The following CLDN14 variants were observed in gnomAD, a reference collection of about 807,000 sequenced individuals.
CLDN14 encodes claudin-14.
A neutral mutation model predicts 2.1 loss-of-function variants in CLDN14; 2 were observed. That is an observed-to-expected ratio of 0.96 (90% CI 0.39 to 3.01). The LOEUF is 3.01. CLDN14 is among the 30% of genes most tolerant of loss of function. The pLI, the probability that CLDN14 is intolerant of heterozygous loss-of-function variation, is 0.09. For synonymous variants in CLDN14, 136 were observed against 154.4 expected, an observed-to-expected ratio of 0.88 and a Z score of 0.88; for missense variants, 298 against 328.0, an observed-to-expected ratio of 0.91 and a Z score of 0.71.
At chr21:36,491,221 C>CTGA in intron 2 of CLDN14, among the ~76,000 whole-genome samples, 1 of 152,138 alleles carries the variant, frequency 6.6e-6, no homozygotes, top group Non-Finnish European at 1.5e-5. Context: ...CTAGGATCCC[C>CTGA]AGATATCCTG....
Position 36,499,045 on chromosome 21 carries a change from G to A in CLDN14, c.-82+11318C>T, listed in dbSNP as rs780392705. Among the ~76,000 whole-genome samples the A allele has an allele frequency of 7.2e-5, 11 of 152,186 alleles. No homozygotes were observed. Among genetic ancestry groups the A allele is most frequent in the South Asian group, 2.1e-4 (1 of 4,822 alleles). ...AGTTTCAGGGCACATGACAATCACC[G>A]ATATGACAGAAGGGTAACCTTTCTG... On this transcript the variant is annotated intron_variant, in intron 2 of 2. Transcript: ENST00000342108. This position sits in a 1 kb window ranked among gnomAD's most constrained non-coding sequence, Gnocchi z 4.7.
upstream of CLDN14, among the ~76,000 whole-genome samples, chr21:36,484,789 C>T (rs2146454217): frequency 6.6e-6 from 1 of 152,250 alleles, no homozygotes; most frequent in South Asian, 2.1e-4. Flanking sequence ...TCTTGGCTCA[C>T]CGCAACCTCC....
At chr21:36,557,701 A>C (rs449940) in intron 1 of CLDN14, among the ~76,000 whole-genome samples, 4 of 152,152 alleles carry the variant, frequency 2.6e-5, no homozygotes, top group Admixed American at 1.3e-4. Flanking sequence ...CATCAGATAC[A>C]TTATTTGCAA....
Position 36,505,790 on chromosome 21 carries a change from G to A in CLDN14, c.-82+4573C>T, listed in dbSNP as rs76518530. On this transcript the variant is annotated intron_variant, in intron 2 of 2. Coordinates refer to the CLDN14 transcript ENST00000342108. ...AGAGAAACACACAGAGAGGTCCATTGTTAACCCCTTCCTGGTTTGATCCAC... is the reference window on the plus strand; with the variant it reads ...AGAGAAACACACAGAGAGGTCCATTATTAACCCCTTCCTGGTTTGATCCAC... Among the ~76,000 whole-genome samples the A allele has an allele frequency of 8.1e-3, 1,227 of 152,314 alleles. 16 individuals are homozygous for A. Among genetic ancestry groups the A allele is most frequent in the African/African-American group, 0.028 (1,151 of 41,562 alleles).
At chr21:36,515,621 C>T (rs1315127981) in intron 1 of CLDN14, among the ~76,000 whole-genome samples, 4 of 145,012 alleles carry the variant, frequency 2.8e-5, no homozygotes, top group Non-Finnish European at 4.5e-5. Context: ...TGTAGTGAGC[C>T]GAGATCACAC....
intron 2 of CLDN14, among the ~76,000 whole-genome samples, chr21:36,506,594 C>T (rs1377427363): frequency 7.5e-6 from 1 of 133,304 alleles, no homozygotes; most frequent in Non-Finnish European, 1.5e-5. Flanking sequence ...AAGACTCTGT[C>T]TCAAAAAAAA....
In CLDN14 at chr21:36,512,962, T is replaced by C. The variant is rs373921605; in HGVS notation, c.-219-2462A>G. 6.6e-5 allele frequency among the ~76,000 whole-genome samples: 10 copies of C among 152,362 alleles called. No homozygotes were observed. In the East Asian group the frequency reaches 1.9e-3, roughly 29 times the overall value. ...AGCAACAAAGCAAGTACATGATTGA[T>C]GCCAAGGGGTAACCCTAAAGGTAAA... On this transcript the variant is annotated intron_variant, in intron 1 of 2. Coordinates refer to the CLDN14 transcript ENST00000342108.
At chr21:36,537,128 T>A (rs2087430135) in intron 1 of CLDN14, among the ~76,000 whole-genome samples, 1 of 152,168 alleles carries the variant, frequency 6.6e-6, no homozygotes, top group African/African-American at 2.4e-5. Flanking sequence ...AGGTGGAGGT[T>A]GCAGTGAGCC....
chr21:36,481,278 GA>G (rs2086842672), upstream of CLDN14, among the ~76,000 whole-genome samples: 1 of 152,154 alleles, frequency 6.6e-6, no homozygotes, highest in South Asian at 2.1e-4. Flanking sequence ...AGGCTGAAAT[GA>G]AACTGTTAAA....
At chr21:36,572,398 G>GTCCAGGAT (rs1452701173) in intron 1 of CLDN14, among the ~76,000 whole-genome samples, 1 of 151,874 alleles carries the variant, frequency 6.6e-6, no homozygotes, top group Non-Finnish European at 1.5e-5. Flanking sequence ...CCTCTGCGGA[G>GTCCAGGAT]TCCAGGTGTG....
In CLDN14 at chr21:36,550,134, C is replaced by A. The variant is rs141725877; in HGVS notation, c.-220+26277G>T. ...ATGGTGACTACCCTGTATTCAGATT[C>A]TTTTCAAGATATTGTCTTTCTAAAT... On this transcript the variant is annotated intron_variant, in intron 1 of 2. Coordinates refer to the CLDN14 transcript ENST00000342108. Among the ~76,000 whole-genome samples, 3 of 152,242 alleles carry A rather than the reference C, an allele frequency of 2.0e-5. 1 individual carries two copies. The East Asian group carries it at 5.8e-4, about 29-fold the overall frequency.
At chr21:36,536,353 G>C (rs1246640332) in intron 1 of CLDN14, among the ~76,000 whole-genome samples, 1 of 152,180 alleles carries the variant, frequency 6.6e-6, no homozygotes, top group African/African-American at 2.4e-5. Context: ...CAGAAATCAA[G>C]TTACCTCGAC....
chr21:36,529,869 C>A (rs1046714609), intron 1 of CLDN14, among the ~76,000 whole-genome samples: 1 of 152,188 alleles, frequency 6.6e-6, no homozygotes. Context: ...TTATGCAGAA[C>A]AACGTAGTGC....
In CLDN14 at chr21:36,498,970, T is replaced by C. The variant is rs1200685418; in HGVS notation, c.-82+11393A>G. Reference sequence around the variant, plus strand: ...TTCAGCCACCCAGATGGGAGTGTCCTCTTGCACTCCATCCATCTGGATGAA... The same window carrying C: ...TTCAGCCACCCAGATGGGAGTGTCCCCTTGCACTCCATCCATCTGGATGAA... On this transcript the variant is annotated intron_variant, in intron 2 of 2. Coordinates refer to the CLDN14 transcript ENST00000342108. This position sits in a 1 kb window ranked among gnomAD's most constrained non-coding sequence, Gnocchi z 4.9. Among the ~76,000 whole-genome samples, 1 of 152,192 alleles carries C rather than the reference T, an allele frequency of 6.6e-6. No homozygotes were observed. The highest frequency in any genetic ancestry group is 2.4e-5 in the African/African-American group (1 of 41,452).
At chr21:36,546,003 C>G (rs2087523926) in intron 1 of CLDN14, among the ~76,000 whole-genome samples, 1 of 152,162 alleles carries the variant, frequency 6.6e-6, no homozygotes, top group Middle Eastern at 3.2e-3. Context: ...TCCTCCCGCC[C>G]AACAGCTGCC....
chr21:36,475,311 A>G (rs1353159205), intron 1 of CLDN14, among the ~76,000 whole-genome samples: 3 of 152,190 alleles, frequency 2.0e-5, no homozygotes, highest in Non-Finnish European at 4.4e-5. Context: ...CAAAGCTGGG[A>G]TGGAGGGACA....
Position 36,485,664 on chromosome 21 carries a change from C to T in CLDN14, c.-81-23888G>A, listed in dbSNP as rs138576900. On this transcript the variant is annotated intron_variant, in intron 2 of 2. Coordinates refer to the CLDN14 transcript ENST00000342108. The stretch of plus-strand genomic sequence containing the variant: ...GAAAGCAAGGTGCCTTCCCAATCCT[C>T]TGCTCTGTCCTGTTTTCTGTCTCGG... Among the ~76,000 whole-genome samples the T allele has an allele frequency of 3.0e-3, 462 of 152,338 alleles. 3 individuals carry two copies. Among genetic ancestry groups the T allele is most frequent in the African/African-American group, 0.011 (452 of 41,584 alleles).
At chr21:36,574,055 A>G (rs181779427) in intron 1 of CLDN14, among the ~76,000 whole-genome samples, 261 of 152,310 alleles carry the variant, frequency 1.7e-3, no homozygotes, top group African/African-American at 5.8e-3. Flanking sequence ...AAATGAGCTG[A>G]TTCTAAATGA....
chr21:36,498,670 A>G lies in CLDN14; in HGVS notation c.-82+11693T>C, dbSNP rs184327751. On this transcript the variant is annotated intron_variant, in intron 2 of 2. Coordinates refer to the CLDN14 transcript ENST00000342108. The surrounding 1 kb of genome is among the most constrained non-coding windows in gnomAD (Gnocchi z 4.9). ...CCCCTCCACCCTGGAAAAAATGAACATAGGATCTGGCTGTGGCAGACAGCA... is the reference window on the plus strand; with the variant it reads ...CCCCTCCACCCTGGAAAAAATGAACGTAGGATCTGGCTGTGGCAGACAGCA... 1.3e-5 allele frequency among the ~76,000 whole-genome samples: 2 copies of G among 152,286 alleles called. No individual in the cohort carries two copies. The highest frequency in any genetic ancestry group is 1.3e-4 in the Admixed American group (2 of 15,282).
Sources: gnomAD v4.1 joint callset for allele counts (sites outside exome capture counted in the v4.1 genomes callset) on GRCh38, gnomAD v4.1.1 for gene constraint, Gnocchi (gnomAD v3.1) non-coding constraint, MANE v1.5 for transcripts, NCBI Gene and HGNC (gene_info 2026-07-23, HGNC 2026-07-21) for gene names.